Variants in PRR12 observed in about 807,000 individuals in gnomAD.
PRR12 encodes the protein proline rich 12, also known as proline-rich protein 12.
PRR12 carries 12 observed loss-of-function variants against 138.0 expected under a neutral mutation model. That is an observed-to-expected ratio of 0.09 (90% CI 0.06 to 0.14). PRR12 has a LOEUF of 0.14. Ranked by LOEUF, PRR12 falls within the 10% of genes least tolerant of loss-of-function variation. The pLI, the probability that PRR12 is intolerant of heterozygous loss-of-function variation, is 1.00. For synonymous variants in PRR12, 1,567 were observed against 1,291.7 expected, an observed-to-expected ratio of 1.21 and a Z score of -4.57; for missense variants, 2,692 against 2,861.3, an observed-to-expected ratio of 0.94 and a Z score of 1.35.
At chr19:49,610,628 C>T (rs904166696) in intron 6 of PRR12, among the ~76,000 whole-genome samples, 8 of 149,762 alleles carry the variant, frequency 5.3e-5, no homozygotes, top group East Asian at 2.0e-4. Context: ...CTACAAGCTC[C>T]GCCTCTGGGT....
chr19:49,603,849 GA>G (rs2080824866), intron 6 of PRR12, among the ~76,000 whole-genome samples: 1 of 150,542 alleles, frequency 6.6e-6, no homozygotes, highest in African/African-American at 2.4e-5. Context: ...TTCTTTTTTT[GA>G]GACGGAGTCG....
At chr19:49,617,737 T>C (rs953498480) in intron 9 of PRR12, among the ~76,000 whole-genome samples, 1 of 152,090 alleles carries the variant, frequency 6.6e-6, no homozygotes, top group African/African-American at 2.4e-5. Context: ...TTAACAGAGA[T>C]TAGAATTAGC....
intron 1 of PRR12, among the ~76,000 whole-genome samples, chr19:49,592,414 G>A (rs1298811055): frequency 6.6e-6 from 1 of 152,204 alleles, no homozygotes; most frequent in East Asian, 1.9e-4. Context: ...GCCGTTGCAT[G>A]GGAAGAGTCG....
rs377429306 is a variant in PRR12, at chr19:49,619,901, C to T, written c.5498-451C>T. ...TGGAGACGAGTTTCACTCTGTCACCCAGGCTGTGCAATGGCACAATCTTGG... is the reference window on the plus strand; with the variant it reads ...TGGAGACGAGTTTCACTCTGTCACCTAGGCTGTGCAATGGCACAATCTTGG... On this transcript the variant is annotated intron_variant, in intron 9 of 13. Coordinates refer to ENST00000418929, the MANE Select transcript of PRR12 (RefSeq NM_020719.3). Among the ~76,000 whole-genome samples the T allele has an allele frequency of 6.4e-5, 9 of 140,932 alleles. No homozygotes were observed. In the East Asian group the frequency reaches 1.1e-3, roughly 17 times the overall value. 92.5% of individuals were successfully genotyped at this position (140,932 alleles called of 152,430 possible).
chr19:49,599,497 G>A lies in PRR12; in HGVS notation c.3904G>A (p.Gly1302Ser). 6.2e-7 allele frequency: 1 copy of A among 1,600,204 alleles called. No individual in the cohort carries two copies. The highest frequency in any genetic ancestry group is 1.7e-5 in the Admixed American group (1 of 57,786). ...GKRHPPLYQA[G>S]LTPPLSPPKS... ...GCGCCACCCACCACTCTACCAGGCGGGCCTGACGCCTCCGCTCAGCCCTCC... is the reference window on the plus strand; with the variant it reads ...GCGCCACCCACCACTCTACCAGGCGAGCCTGACGCCTCCGCTCAGCCCTCC... Residue 1302 changes from glycine (G) to serine (S), a missense_variant, in exon 5 of 14, where the codon GGC becomes AGC. By Grantham distance (56) the Gly-to-Ser change is moderately conservative. Coordinates refer to ENST00000418929, the MANE Select transcript of PRR12 (RefSeq NM_020719.3). The surrounding 1 kb of genome is among the most constrained non-coding windows in gnomAD (Gnocchi z 5.0).
Position 49,625,903 on chromosome 19 carries a change from T to G in PRR12, c.*296T>G. Reference sequence around the variant, plus strand: ...CCTCTCCCCTTGCCCCGACCCCCCCTCCACAGCCACAGCCCCCGCCCCCTC... The same window carrying G: ...CCTCTCCCCTTGCCCCGACCCCCCCGCCACAGCCACAGCCCCCGCCCCCTC... On this transcript the variant is annotated 3_prime_UTR_variant, in exon 14 of 14. Coordinates refer to ENST00000418929, the MANE Select transcript of PRR12 (RefSeq NM_020719.3). This position sits in a 1 kb window ranked among gnomAD's most constrained non-coding sequence, Gnocchi z 5.5. The G allele has an allele frequency of 2.3e-5, 4 of 172,902 alleles. No homozygotes were observed. The highest frequency in any genetic ancestry group is 2.8e-5 in the African/African-American group (1 of 36,060). The allele number at this position is 172,902 out of a possible 1,614,324, so 10.7% of individuals were successfully genotyped here.
chr19:49,611,952 G>T (rs1226088464), intron 6 of PRR12, among the ~76,000 whole-genome samples: 4 of 138,274 alleles, frequency 2.9e-5, no homozygotes, highest in Non-Finnish European at 4.6e-5. Context: ...AAAAAAACAG[G>T]CCGGGCACAG....
chr19:49,606,392 A>G (rs1276345167), intron 6 of PRR12, among the ~76,000 whole-genome samples: 1 of 150,018 alleles, frequency 6.7e-6, no homozygotes, highest in Non-Finnish European at 1.5e-5. Flanking sequence ...GCTCACTGCA[A>G]CCCTCGCCTC....
At position 49,597,659 on chromosome 19, in the gene PRR12, C is replaced by A; in HGVS notation, c.3324C>A (p.Ala1108=). ...EYEFEADEDK[A]DVPADIRLNP... ...AGTTCGAGGCGGACGAGGACAAGGC[C>A]GATGTTCCCGCCGACATCCGCCTCA... The change falls in exon 4 of 14, where the codon GCC becomes GCA. Residue 1108 remains alanine (A), a synonymous_variant. Transcript: ENST00000418929. The surrounding 1 kb of genome is among the most constrained non-coding windows in gnomAD (Gnocchi z 6.3). 5 of 1,605,144 alleles carry A rather than the reference C, an allele frequency of 3.1e-6. No homozygotes were observed. Among genetic ancestry groups the A allele is most frequent in the Non-Finnish European group, 4.2e-6 (5 of 1,176,904 alleles).
At chr19:49,622,948 GAGAGAGAGAA>G (rs761697546) in intron 11 of PRR12, among the ~76,000 whole-genome samples, 3,313 of 118,204 alleles carry the variant, frequency 0.028, 53 homozygotes, top group Non-Finnish European at 0.032. Flanking sequence ...GAGAGAGAGA[GAGAGAGAGAA>G]AGAGAGAGAG....
At position 49,595,823 on chromosome 19, in the gene PRR12, C is replaced by T. The variant is rs760331510; in HGVS notation, c.1488C>T (p.Ser496=). Residue 496 remains serine, a synonymous_variant, in exon 4 of 14, where the codon AGC becomes AGT. Transcript: ENST00000418929. ...PPPPGLATCQ[S]YSPDQLQGQL... is the part of the protein sequence containing the mutation. ...CTCCTGGCCTGGCCACATGTCAGAG[C>T]TACTCCCCGGACCAGCTGCAGGGGC... 1.3e-6 allele frequency: 2 copies of T among 1,599,068 alleles called. No individual in the cohort carries two copies. Among genetic ancestry groups the T allele is most frequent in the Non-Finnish European group, 1.7e-6 (2 of 1,176,384 alleles).
intron 1 of PRR12, among the ~76,000 whole-genome samples, chr19:49,592,247 C>A (rs914692336): frequency 1.3e-5 from 2 of 152,040 alleles, no homozygotes; most frequent in East Asian, 3.8e-4. Context: ...GGCACGGGGC[C>A]CCGCCCCCTT....
intron 6 of PRR12, among the ~76,000 whole-genome samples, chr19:49,609,034 C>T (rs1335878655): frequency 6.6e-6 from 1 of 152,146 alleles, no homozygotes; most frequent in Non-Finnish European, 1.5e-5. Flanking sequence ...TGGGTGGAGA[C>T]TGGGCACAGT....
At chr19:49,620,605 G>A in intron 10 of PRR12, 128 bp downstream of exon 10, 1 of 1,347,432 alleles carries the variant, frequency 7.4e-7, no homozygotes, top group East Asian at 2.5e-5. Flanking sequence ...GGGAAGAGGA[G>A]CTGAGGCCTG....
At chr19:49,612,596 G>A (rs1304174619) in intron 6 of PRR12, among the ~76,000 whole-genome samples, 1 of 152,104 alleles carries the variant, frequency 6.6e-6, no homozygotes, top group African/African-American at 2.4e-5. Flanking sequence ...ACCAACACCG[G>A]GAGTGGGAGG....
Position 49,596,411 on chromosome 19 carries a change from G to A in PRR12, c.2076G>A (p.Lys692=). ...CGGGTACACCCTACGAGTTGGCCAA[G>A]GAAGACCCCCAGAGGTACCACCTGC... The part of the protein sequence containing the change: ...GPPGTPYELA[K]EDPQRYHLQS... Residue 692 remains lysine (K), a synonymous_variant, in exon 4 of 14, where the codon AAG becomes AAA. Transcript: ENST00000418929. This position sits in a 1 kb window ranked among gnomAD's most constrained non-coding sequence, Gnocchi z 5.6. The A allele has an allele frequency of 6.2e-7, 1 of 1,608,350 alleles. No individual in the cohort carries two copies. The highest frequency in any genetic ancestry group is 8.5e-7 in the Non-Finnish European group (1 of 1,179,270).
chr19:49,609,376 G>A (rs372496222), intron 6 of PRR12, among the ~76,000 whole-genome samples: 1 of 152,186 alleles, frequency 6.6e-6, no homozygotes, highest in South Asian at 2.1e-4. Context: ...CAAGGTGGGT[G>A]GATCACTTGA....
At position 49,599,177 on chromosome 19, in the gene PRR12, G is replaced by A. The variant is rs1326635888; in HGVS notation, c.3679-95G>A. ...TTTGAATTCTATAAATTCACAGGCT[G>A]AGCACCTGTAAATTTGGATTTTTGG... On this transcript the variant is annotated intron_variant, in intron 4 of 13. Coordinates refer to ENST00000418929, the MANE Select transcript of PRR12 (RefSeq NM_020719.3). This position sits in a 1 kb window ranked among gnomAD's most constrained non-coding sequence, Gnocchi z 5.0. 5.9e-6 allele frequency: 7 copies of A among 1,186,264 alleles called. No homozygotes were observed. Among genetic ancestry groups the A allele is most frequent in the African/African-American group, 3.1e-5 (2 of 65,024 alleles). The allele number at this position is 1,186,264 out of a possible 1,614,324, so 73.5% of individuals were successfully genotyped here. A position where few individuals can be genotyped will look rare whatever the true frequency, so the allele number is the denominator to read the frequency against.
At chr19:49,615,048 G>A in intron 8 of PRR12, 39 bp downstream of exon 8, 3 of 1,611,618 alleles carry the variant, frequency 1.9e-6, no homozygotes, top group Non-Finnish European at 2.5e-6. Flanking sequence ...GTAGTATGTA[G>A]CGCCGACAGG....
Sources: allele counts gnomAD v4.1 joint callset (sites outside exome capture counted in the v4.1 genomes callset), GRCh38; gene constraint gnomAD v4.1.1; non-coding constraint Gnocchi (gnomAD v3.1); transcripts MANE v1.5; gene names NCBI Gene and HGNC (gene_info 2026-07-23, HGNC 2026-07-21).